Variants in LONRF2 observed in about 807,000 individuals in gnomAD.
LONRF2 encodes the protein LON peptidase N-terminal domain and ring finger 2, also known as LON peptidase N-terminal domain and RING finger protein 2.
Under a neutral mutation model 66.6 loss-of-function variants are expected in LONRF2, and 35 were observed. That is an observed-to-expected ratio of 0.53 (90% CI 0.40 to 0.70). The LOEUF (loss-of-function observed/expected upper bound fraction) is 0.70, where lower values mean the gene tolerates loss of function less well. Among genes scored for constraint, LONRF2 ranks in the 30% least tolerant of loss-of-function variants. LONRF2 has a pLI of 0.00. For missense variants in LONRF2, 902 were observed against 1,002.1 expected, an observed-to-expected ratio of 0.90 and a Z score of 1.35; for synonymous variants, 417 against 418.1, an observed-to-expected ratio of 1.00 and a Z score of 0.03.
At chr2:100,303,211 G>A (rs1675223322) in intron 2 of LONRF2, among the ~76,000 whole-genome samples, 168 bp from the exon 3 acceptor site, 1 of 152,158 alleles carries the variant, frequency 6.6e-6, no homozygotes, top group Admixed American at 6.5e-5. Context: ...TCTCTACCCT[G>A]GAAACTTAGC....
At chr2:100,315,644 G>A (rs1324269136) in intron 1 of LONRF2, among the ~76,000 whole-genome samples, 1 of 152,084 alleles carries the variant, frequency 6.6e-6, no homozygotes, top group East Asian at 1.9e-4. Flanking sequence ...CTGTAAAGAT[G>A]GTGAATTACA....
intron 9 of LONRF2, 141 bp from the exon 10 acceptor site, chr2:100,290,561 C>G (rs1249439162): frequency 2.0e-5 from 16 of 801,310 alleles, no homozygotes; most frequent in Non-Finnish European, 2.9e-5. Flanking sequence ...AGGTTATTGT[C>G]GCTAAGAGAC....
intron 9 of LONRF2, among the ~76,000 whole-genome samples, chr2:100,292,137 A>G (rs13392606): frequency 0.011 from 1,650 of 152,278 alleles, 26 homozygotes; most frequent in African/African-American, 0.038. Flanking sequence ...CTGGTATCTA[A>G]CAGGATGATC....
chr2:100,306,536 A>T (rs1017044804), intron 2 of LONRF2, among the ~76,000 whole-genome samples: 1 of 152,186 alleles, frequency 6.6e-6, no homozygotes, highest in Non-Finnish European at 1.5e-5. Context: ...TCATGTGCCT[A>T]TATCTATTTC....
rs13415850 is a variant in LONRF2 at position 100,303,146 on chromosome 2, T to A, written c.799-103A>T. ...AATTTATTAGAACAATTTGTTTTAA[T>A]TTCACATTACATAGAATAAACAAAG... is the stretch of plus-strand genomic sequence containing the variant. On this transcript the variant is annotated intron_variant, in intron 2 of 11. Coordinates refer to ENST00000393437, the MANE Select transcript of LONRF2 (RefSeq NM_198461.4). 2,964 of 1,190,008 alleles carry A rather than the reference T, an allele frequency of 2.5e-3. 33 individuals carry two copies. The East Asian group carries it at 0.041, about 16-fold the overall frequency. The allele number at this position is 1,190,008 out of a possible 1,614,324, so 73.7% of individuals were successfully genotyped here.
chr2:100,313,554 CT>C (rs1675448620), intron 1 of LONRF2, among the ~76,000 whole-genome samples: 1 of 152,048 alleles, frequency 6.6e-6, no homozygotes, highest in African/African-American at 2.4e-5. Context: ...GTAGTGTTCT[CT>C]ATGAAAAGAA....
rs1372738244 is a variant in LONRF2, at chr2:100,300,799, C to A, written c.922-12G>T. 4.5e-6 allele frequency: 7 copies of A among 1,558,658 alleles called. No individual in the cohort carries two copies. The highest frequency in any genetic ancestry group is 2.8e-5 in the African/African-American group (2 of 72,234). The stretch of plus-strand genomic sequence containing the variant: ...ACTTCACACATTACCTATAAAATTG[C>A]CAAGAAAAGAAAAAATATATATTTT... On this transcript the variant is annotated splice_polypyrimidine_tract_variant and intron_variant, in intron 3 of 11. Transcript: ENST00000393437.
chr2:100,294,476 A>AC (rs1675024985), intron 8 of LONRF2, 89 bp from the exon 9 acceptor site: 4 of 1,223,994 alleles, frequency 3.3e-6, no homozygotes, highest in Non-Finnish European at 4.5e-6. Flanking sequence ...AAGCCAGCCA[A>AC]CCTCAGTTCT....
intron 2 of LONRF2, among the ~76,000 whole-genome samples, chr2:100,305,577 T>A (rs1012205373): frequency 2.1e-4 from 32 of 152,178 alleles, no homozygotes; most frequent in African/African-American, 7.5e-4. Flanking sequence ...CCAACATCTC[T>A]CCTCATGCTT....
chr2:100,281,074 T>G lies in LONRF2; in HGVS notation c.*3224A>C, dbSNP rs1674708161. 1 of 152,166 alleles carries G rather than the reference T, an allele frequency of 6.6e-6. No homozygotes were observed. The highest frequency in any genetic ancestry group is 1.5e-5 in the Non-Finnish European group (1 of 68,016). 9.4% of individuals were successfully genotyped at this position (152,166 alleles called of 1,614,324 possible). ...TAAAGCCCTTAAAAATTATAACAAA[T>G]TCTATGTAACACAGGCAATGGAGTA... On this transcript the variant is annotated 3_prime_UTR_variant, in exon 12 of 12. Transcript: ENST00000393437.
At chr2:100,299,639 T>C (rs1675137813) in intron 5 of LONRF2, 78 bp downstream of exon 5, 2 of 1,166,126 alleles carry the variant, frequency 1.7e-6, no homozygotes, top group Non-Finnish European at 2.5e-6. Flanking sequence ...TGTAAAAATT[T>C]AAAAAATATA....
intron 7 of LONRF2, among the ~76,000 whole-genome samples, chr2:100,296,810 C>G (rs946136972): frequency 2.0e-5 from 3 of 152,162 alleles, no homozygotes; most frequent in Admixed American, 6.6e-5. Flanking sequence ...AAAACATGCT[C>G]TACTTGGCAT....
intron 2 of LONRF2, among the ~76,000 whole-genome samples, chr2:100,303,531 T>C (rs563364410): frequency 2.0e-4 from 30 of 152,358 alleles, no homozygotes; most frequent in African/African-American, 7.0e-4. Context: ...ATCTTATGAA[T>C]GCAGTATTTT....
In LONRF2 at chr2:100,275,485, G is replaced by A. The variant is rs1389531949; in HGVS notation, c.*8813C>T. The A allele has an allele frequency of 2.6e-5, 4 of 152,256 alleles. No individual in the cohort carries two copies. Among genetic ancestry groups the A allele is most frequent in the African/African-American group, 9.6e-5 (4 of 41,470 alleles). The allele number at this position is 152,256 out of a possible 1,614,324, so 9.4% of individuals were successfully genotyped here. ...AAGGATCTGGGTGTTGGTCTCCAAA[G>A]CGCTGCAGGGATCCTCCGGCCATGC... On this transcript the variant is annotated 3_prime_UTR_variant, in exon 12 of 12. Coordinates refer to ENST00000393437, the MANE Select transcript of LONRF2 (RefSeq NM_198461.4).
At chr2:100,293,281 T>A (rs1048660170) in intron 9 of LONRF2, among the ~76,000 whole-genome samples, 22 of 152,186 alleles carry the variant, frequency 1.4e-4, no homozygotes, top group African/African-American at 4.8e-4. Flanking sequence ...CAATAAAATT[T>A]CAGAATTTTC....
At position 100,272,543 on chromosome 2, in the gene LONRF2, A is replaced by C. The variant is rs971910548; in HGVS notation, c.*11755T>G. Among the ~76,000 whole-genome samples, 5 of 151,956 alleles carry C rather than the reference A, an allele frequency of 3.3e-5. No individual in the cohort carries two copies. Among genetic ancestry groups the C allele is most frequent in the African/African-American group, 1.2e-4 (5 of 41,350 alleles). On this transcript the variant is annotated 3_prime_UTR_variant, in exon 12 of 12. Transcript: ENST00000393437. ...ATAAATAAACAAACAAACTAACCAG[A>C]GTATGTAGGTTAAAAAAAAGAAAAA...
intron 1 of LONRF2, among the ~76,000 whole-genome samples, chr2:100,313,531 C>A (rs1356996257): frequency 6.6e-6 from 1 of 151,970 alleles, no homozygotes; most frequent in African/African-American, 2.4e-5. Context: ...ACACATAAAG[C>A]AATAAAAACT....
intron 1 of LONRF2, among the ~76,000 whole-genome samples, chr2:100,316,120 G>T (rs10182399): frequency 6.6e-6 from 1 of 151,558 alleles, no homozygotes; most frequent in East Asian, 1.9e-4. Context: ...GAGATCGAGA[G>T]CATCCTGGCT....
At chr2:100,295,237 ATATCT>A (rs946503319) in intron 8 of LONRF2, among the ~76,000 whole-genome samples, 190 bp downstream of exon 8, 51 of 152,308 alleles carry the variant, frequency 3.3e-4, no homozygotes, top group African/African-American at 1.2e-3. Context: ...CACTTTAAAA[ATATCT>A]TATAAAAAAA....
Sources: allele counts gnomAD v4.1 joint callset (sites outside exome capture counted in the v4.1 genomes callset), GRCh38; gene constraint gnomAD v4.1.1; transcripts MANE v1.5; gene names NCBI Gene and HGNC (gene_info 2026-07-23, HGNC 2026-07-21).